The following CSGALNACT1 variants were observed in gnomAD, a reference collection of about 807,000 sequenced individuals.
CSGALNACT1 encodes the protein chondroitin sulfate N-acetylgalactosaminyltransferase 1.
Under a neutral mutation model 51.0 loss-of-function variants are expected in CSGALNACT1, and 52 were observed. That is an observed-to-expected ratio of 1.02 (90% CI 0.82 to 1.29). CSGALNACT1 has a LOEUF of 1.29. Ranked by LOEUF, CSGALNACT1 falls within the 50% of genes most tolerant of loss-of-function variation. The pLI is 0.00. For synonymous variants in CSGALNACT1, 341 were observed against 254.4 expected (o/e 1.34, Z -3.24); for missense variants, 935 against 679.2 (o/e 1.38, Z -4.19).
At chr8:19,500,648 C>A in intron 4 of CSGALNACT1, among the ~76,000 whole-genome samples, 1 of 152,168 alleles carries the variant, frequency 6.6e-6, no homozygotes, top group East Asian at 1.9e-4. Flanking sequence ...AAGTAAAAAA[C>A]TCACTATCCC....
chr8:19,505,151 ACCCCCAATTCCTTTTCTTCTCCTTTC>A (rs765368586), intron 4 of CSGALNACT1, 24 bp downstream of exon 3: 1 of 1,608,828 alleles, frequency 6.2e-7, no homozygotes, highest in African/African-American at 1.3e-5. Flanking sequence ...GGTGCCAGGA[ACCCCCAATTCCTTTTCTTCTCCTTTC>A]CCCCCAATTC....
intron 1 of CSGALNACT1, among the ~76,000 whole-genome samples, chr8:19,712,596 A>T (rs1010506029): frequency 1.3e-5 from 2 of 152,080 alleles, no homozygotes; most frequent in Admixed American, 6.6e-5. Context: ...CATCCCTGCA[A>T]ATCTCTTCCT....
At chr8:19,626,495 G>GA (rs796667001) in intron 1 of CSGALNACT1, among the ~76,000 whole-genome samples, 6 of 151,930 alleles carry the variant, frequency 3.9e-5, no homozygotes, top group Admixed American at 2.6e-4. Context: ...AAAACCTTTA[G>GA]AAAAAACATA....
intron 3 of CSGALNACT1, among the ~76,000 whole-genome samples, chr8:19,544,641 G>A (rs2086052358): frequency 6.6e-6 from 1 of 152,070 alleles, no homozygotes; most frequent in South Asian, 2.1e-4. Flanking sequence ...CAAATATTTT[G>A]TTATAATTCT....
At chr8:19,412,827 C>A (rs982914339) in intron 8 of CSGALNACT1, among the ~76,000 whole-genome samples, 1 of 151,876 alleles carries the variant, frequency 6.6e-6, no homozygotes, top group South Asian at 2.1e-4. Flanking sequence ...AGGCTGGGGG[C>A]CCCCAGCCCA....
intron 1 of CSGALNACT1, among the ~76,000 whole-genome samples, chr8:19,739,892 T>C (rs1222833438): frequency 1.3e-5 from 2 of 152,194 alleles, no homozygotes; most frequent in Non-Finnish European, 2.9e-5. Flanking sequence ...CTTTCATTTA[T>C]ATGCAGGGAA....
At chr8:19,627,171 A>G (rs1051800292) in intron 1 of CSGALNACT1, among the ~76,000 whole-genome samples, 2 of 152,204 alleles carry the variant, frequency 1.3e-5, no homozygotes, top group African/African-American at 2.4e-5. Context: ...GAGAGTAAAC[A>G]AACTACCATC....
chr8:19,697,175 A>G (rs1317765807), intron 1 of CSGALNACT1, among the ~76,000 whole-genome samples: 2 of 152,148 alleles, frequency 1.3e-5, no homozygotes, highest in Non-Finnish European at 2.9e-5. Flanking sequence ...AAGAGACCAA[A>G]TAAGAGGCAA....
intron 1 of CSGALNACT1, among the ~76,000 whole-genome samples, chr8:19,629,800 A>T (rs1397068572): frequency 6.6e-6 from 1 of 152,222 alleles, no homozygotes. Context: ...CCAGTAAGGA[A>T]ACCTATGCTT....
chr8:19,727,790 C>A (rs1156263752), intron 1 of CSGALNACT1, among the ~76,000 whole-genome samples: 1 of 152,158 alleles, frequency 6.6e-6, no homozygotes, highest in Non-Finnish European at 1.5e-5. Context: ...AACCCTGGGA[C>A]CAAGGTGGGC....
Position 19,461,839 on chromosome 8 carries a change from T to C in CSGALNACT1, c.635-3197A>G, listed in dbSNP as rs542685727. 1.3e-5 allele frequency among the ~76,000 whole-genome samples: 2 copies of C among 148,878 alleles called. 1 individual carries two copies. Among genetic ancestry groups the C allele is most frequent in the South Asian group, 4.2e-4 (2 of 4,754 alleles). ...AGCCACATTAGCCATGGAGGGTGTA[T>C]CTGCACAGCAGCCACATTCACCATG... On this transcript the variant is annotated intron_variant, in intron 4 of 9. Coordinates refer to ENST00000454498, the Ensembl canonical transcript of CSGALNACT1.
chr8:19,452,951 C>T (rs919820989), intron 5 of CSGALNACT1, among the ~76,000 whole-genome samples: 2 of 152,088 alleles, frequency 1.3e-5, no homozygotes, highest in African/African-American at 4.8e-5. Flanking sequence ...ACCCTGTCCT[C>T]AAAATATGCA....
intron 4 of CSGALNACT1, among the ~76,000 whole-genome samples, chr8:19,471,908 T>C (rs2068274996): frequency 6.6e-6 from 1 of 152,204 alleles, no homozygotes; most frequent in South Asian, 2.1e-4. Flanking sequence ...ATGCTGTCTC[T>C]AGAGCTGGCT....
intron 3 of CSGALNACT1, among the ~76,000 whole-genome samples, chr8:19,526,018 T>C (rs2081613107): frequency 1.3e-5 from 2 of 152,196 alleles, no homozygotes; most frequent in Admixed American, 6.5e-5. Flanking sequence ...TGAGGAATAC[T>C]TCAGACCTTT....
chr8:19,701,881 T>C (rs537497047), intron 1 of CSGALNACT1, among the ~76,000 whole-genome samples: 4 of 152,276 alleles, frequency 2.6e-5, no homozygotes, highest in Non-Finnish European at 5.9e-5. Context: ...CAAACTAATA[T>C]ACACTGCACA....
intron 3 of CSGALNACT1, among the ~76,000 whole-genome samples, chr8:19,522,524 T>C (rs370353046): frequency 6.6e-6 from 1 of 152,354 alleles, no homozygotes; most frequent in Non-Finnish European, 1.5e-5. Context: ...GCGATGTATG[T>C]AAAATGCTTA....
upstream of CSGALNACT1, among the ~76,000 whole-genome samples, chr8:19,604,828 T>C (rs1588973489): frequency 7.0e-6 from 1 of 142,020 alleles, no homozygotes; most frequent in African/African-American, 2.7e-5. Flanking sequence ...GGCGGGAGAA[T>C]GGCATGAACC....
chr8:19,645,966 C>T (rs1018119891), intron 1 of CSGALNACT1, among the ~76,000 whole-genome samples: 6 of 152,056 alleles, frequency 3.9e-5, no homozygotes, highest in Non-Finnish European at 2.9e-5. Context: ...TAACAATACG[C>T]CCTCCAAAGA....
At chr8:19,445,310 G>A (rs1046432876) in intron 5 of CSGALNACT1, among the ~76,000 whole-genome samples, 2 of 152,252 alleles carry the variant, frequency 1.3e-5, no homozygotes, top group Non-Finnish European at 2.9e-5. Context: ...TGTGCATGCA[G>A]TGGGAAAAAT....
Sources: gnomAD v4.1 joint callset for allele counts (sites outside exome capture counted in the v4.1 genomes callset) on GRCh38, gnomAD v4.1.1 for gene constraint, MANE v1.5 for transcripts, NCBI Gene and HGNC (gene_info 2026-07-23, HGNC 2026-07-21) for gene names.